Variants in VWA8 observed in about 807,000 individuals in gnomAD.
The protein encoded by VWA8 is von Willebrand factor A domain-containing protein 8.
VWA8 carries 221 observed loss-of-function variants against 241.5 expected under a neutral mutation model. That is an observed-to-expected ratio of 0.91 (90% CI 0.82 to 1.02). VWA8 has a LOEUF of 1.02. Ranked by LOEUF, VWA8 falls within the 50% of genes least tolerant of loss-of-function variation. VWA8 has a pLI of 0.00. For synonymous variants in VWA8, 852 were observed against 827.1 expected, an observed-to-expected ratio of 1.03 and a Z score of -0.52; for missense variants, 2,322 against 2,328.7, an observed-to-expected ratio of 1.00 and a Z score of 0.06.
intron 23 of VWA8, among the ~76,000 whole-genome samples, chr13:41,729,263 A>T (rs549214363): frequency 6.6e-6 from 1 of 152,206 alleles, no homozygotes; most frequent in East Asian, 1.9e-4. Context: ...AGATGAGTAC[A>T]AGGGTTATAC....
At chr13:41,772,159 G>T (rs1188696596) in intron 20 of VWA8, among the ~76,000 whole-genome samples, 1 of 152,116 alleles carries the variant, frequency 6.6e-6, no homozygotes, top group African/African-American at 2.4e-5. Flanking sequence ...CAAAGTGCTG[G>T]GATTACAGGC....
chr13:41,886,165 C>T, intron 7 of VWA8, 137 bp from the exon 8 acceptor site: 2 of 622,880 alleles, frequency 3.2e-6, no homozygotes, highest in East Asian at 6.1e-5. Context: ...AATGGTTCCG[C>T]ATCATAATAT....
At position 41,947,948 on chromosome 13, in the gene VWA8, A is replaced by C. The variant is rs1484012308; in HGVS notation, c.241+1988T>G. Reference sequence around the variant, plus strand: ...CCCTGTCTCAAAAAAAAAAAAAAAAAAAAAACAAAACAAAACATTTTGGTA... The same window carrying C: ...CCCTGTCTCAAAAAAAAAAAAAAAACAAAAACAAAACAAAACATTTTGGTA... On this transcript the variant is annotated intron_variant, in intron 2 of 44. Transcript: ENST00000379310. Among the ~76,000 whole-genome samples the C allele has an allele frequency of 2.0e-5, 3 of 149,064 alleles. 1 individual carries two copies. Among genetic ancestry groups the C allele is most frequent in the African/African-American group, 7.4e-5 (3 of 40,570 alleles).
At position 41,581,682 on chromosome 13, in the gene VWA8, ATACGTT is replaced by A. The variant is rs538051726; in HGVS notation, c.5271+5824_5271+5829del. On this transcript the variant is annotated intron_variant, in intron 42 of 44. Coordinates refer to ENST00000379310, the MANE Select transcript of VWA8 (RefSeq NM_015058.2). ...TGGTTTATATGCCTTCACAGAAACA[ATACGTT>A]TAAGTTTCTTTTTTTTTTTCCAAGT... Among the ~76,000 whole-genome samples the A allele has an allele frequency of 9.1e-4, 129 of 141,214 alleles. 1 individual carries two copies. The highest frequency in any genetic ancestry group is 7.0e-3 in the Middle Eastern group (2 of 286). 92.6% of individuals were successfully genotyped at this position (141,214 alleles called of 152,430 possible). A position where few individuals can be genotyped will look rare whatever the true frequency, so the allele number is the denominator to read the frequency against.
chr13:41,850,025 C>T (rs1872464719), intron 12 of VWA8, among the ~76,000 whole-genome samples: 1 of 152,118 alleles, frequency 6.6e-6, no homozygotes, highest in South Asian at 2.1e-4. Flanking sequence ...ATGCAGAGTT[C>T]CCAAATTTGA....
intron 2 of VWA8, chr13:41,926,876 T>G (rs2138134822): frequency 1.7e-6 from 1 of 578,180 alleles, no homozygotes; most frequent in Non-Finnish European, 3.5e-6. Flanking sequence ...CAAAAGCTGT[T>G]GAATGCCCTC....
chr13:41,822,359 C>T (rs759017758), intron 14 of VWA8, among the ~76,000 whole-genome samples: 10 of 152,148 alleles, frequency 6.6e-5, no homozygotes, highest in Non-Finnish European at 1.5e-4. Flanking sequence ...TACTACAATA[C>T]TAATGTTCCA....
intron 29 of VWA8, among the ~76,000 whole-genome samples, chr13:41,695,114 G>C (rs546437800): frequency 6.6e-6 from 1 of 152,130 alleles, no homozygotes. Context: ...CTCCTTTAAG[G>C]GGGGCAGGGA....
At chr13:41,953,762 T>C (rs538017752) in intron 1 of VWA8, among the ~76,000 whole-genome samples, 178 of 152,244 alleles carry the variant, frequency 1.2e-3, no homozygotes, top group African/African-American at 4.2e-3. Context: ...TGAGCCGAGA[T>C]AGCGCCATTG....
intron 17 of VWA8, among the ~76,000 whole-genome samples, chr13:41,808,422 G>A (rs1870319379): frequency 6.6e-6 from 1 of 152,102 alleles, no homozygotes; most frequent in African/African-American, 2.4e-5. Context: ...GGCAACGGGG[G>A]AACAAGCACT....
At chr13:41,788,986 T>G (rs529832253) in intron 17 of VWA8, among the ~76,000 whole-genome samples, 51 of 152,262 alleles carry the variant, frequency 3.3e-4, no homozygotes, top group African/African-American at 1.2e-3. Flanking sequence ...CCTTCACCAA[T>G]ATTGGCAGGC....
intron 37 of VWA8, among the ~76,000 whole-genome samples, chr13:41,649,287 T>C (rs2044853563): frequency 6.6e-6 from 1 of 152,188 alleles, no homozygotes; most frequent in South Asian, 2.1e-4. Context: ...AAAGGAATTA[T>C]GAGATATCAG....
intron 20 of VWA8, among the ~76,000 whole-genome samples, chr13:41,771,451 T>C (rs1478363845): frequency 6.6e-6 from 1 of 152,126 alleles, no homozygotes; most frequent in African/African-American, 2.4e-5. Context: ...TAAGGATACT[T>C]GAACATTTCA....
intron 21 of VWA8, among the ~76,000 whole-genome samples, chr13:41,742,816 G>A (rs1388030637): frequency 6.6e-6 from 1 of 152,136 alleles, no homozygotes; most frequent in Non-Finnish European, 1.5e-5. Context: ...TGCATTCCCT[G>A]TAGTTCAACA....
intron 2 of VWA8, among the ~76,000 whole-genome samples, chr13:41,916,629 A>G (rs1876269447): frequency 6.6e-6 from 1 of 152,240 alleles, no homozygotes; most frequent in Non-Finnish European, 1.5e-5. Context: ...GCATGTCTAT[A>G]TTTAATTTGT....
chr13:41,827,253 A>G (rs1871216718), intron 14 of VWA8, among the ~76,000 whole-genome samples: 1 of 152,236 alleles, frequency 6.6e-6, no homozygotes, highest in South Asian at 2.1e-4. Flanking sequence ...AAAGTTCTAA[A>G]CAAAATTATT....
At chr13:41,637,031 G>T (rs2044762528) in intron 37 of VWA8, among the ~76,000 whole-genome samples, 1 of 150,508 alleles carries the variant, frequency 6.6e-6, no homozygotes, top group African/African-American at 2.5e-5. Context: ...TCTAGAACTA[G>T]AAATACCATT....
intron 14 of VWA8, 33 bp downstream of exon 14, chr13:41,830,496 A>T: frequency 6.6e-7 from 1 of 1,506,244 alleles, no homozygotes; most frequent in Non-Finnish European, 9.2e-7. Context: ...CTTAACAATA[A>T]ATTAGCAATG....
intron 1 of VWA8, among the ~76,000 whole-genome samples, chr13:41,959,606 C>CT (rs1168629617): frequency 0.018 from 1,453 of 79,574 alleles, 103 homozygotes; most frequent in African/African-American, 0.061. Flanking sequence ...CCTAAATATG[C>CT]TTTTTTTTTT....
Sources: allele counts gnomAD v4.1 joint callset (sites outside exome capture counted in the v4.1 genomes callset), GRCh38; gene constraint gnomAD v4.1.1; transcripts MANE v1.5; gene names NCBI Gene and HGNC (gene_info 2026-07-23, HGNC 2026-07-21).